Variants in STK10 observed in about 807,000 individuals in gnomAD.
The protein encoded by STK10 is serine/threonine-protein kinase 10.
STK10 carries 78 observed loss-of-function variants against 113.8 expected under a neutral mutation model. That is an observed-to-expected ratio of 0.69 (90% CI 0.57 to 0.83). The LOEUF (loss-of-function observed/expected upper bound fraction) is 0.83, where lower values mean the gene tolerates loss of function less well. STK10 is among the 40% of genes least tolerant of loss of function. The pLI is 0.00. For missense variants in STK10, 1,109 were observed against 1,280.1 expected (o/e 0.87, Z 2.04); for synonymous variants, 465 against 494.7 (o/e 0.94, Z 0.80).
intron 7 of STK10, among the ~76,000 whole-genome samples, chr5:172,101,977 C>A (rs1028486421): frequency 6.6e-6 from 1 of 150,830 alleles, no homozygotes; most frequent in Non-Finnish European, 1.5e-5. Flanking sequence ...GTGGGGGGGG[C>A]GGATCACACA....
chr5:172,108,867 C>T (rs969777244), intron 4 of STK10, among the ~76,000 whole-genome samples: 1 of 151,932 alleles, frequency 6.6e-6, no homozygotes, highest in African/African-American at 2.4e-5. Flanking sequence ...TCACTGTAAC[C>T]TCCACCTCCC....
intron 8 of STK10, among the ~76,000 whole-genome samples, chr5:172,094,428 T>C (rs753925748): frequency 5.3e-4 from 80 of 152,206 alleles, no homozygotes; most frequent in Admixed American, 9.8e-4. Context: ...AGTGGTGCCA[T>C]CTTGGCTCAA....
intron 2 of STK10, among the ~76,000 whole-genome samples, chr5:172,132,464 C>T (rs772869159): frequency 6.6e-6 from 1 of 151,850 alleles, no homozygotes; most frequent in African/African-American, 2.4e-5. Flanking sequence ...CGTGCCCACC[C>T]GTGATGAAGG....
intron 9 of STK10, among the ~76,000 whole-genome samples, chr5:172,091,906 G>A (rs1397659459): frequency 1.3e-5 from 2 of 152,180 alleles, no homozygotes; most frequent in East Asian, 1.9e-4. Flanking sequence ...GAGGAGTGAG[G>A]AGCCAGCGTG....
chr5:172,112,279 T>G (rs748951142), intron 4 of STK10, among the ~76,000 whole-genome samples: 9 of 152,322 alleles, frequency 5.9e-5, no homozygotes, highest in Non-Finnish European at 1.0e-4. Context: ...GAATAATATA[T>G]GCATCTTGTG....
rs371584258 is a variant in STK10 at position 172,105,708 on chromosome 5, A to G, written c.818T>C (p.Ile273Thr). ...GGTTTCTGGGTTCTTATCCAGGGCT[A>G]TCTTCAGGAAGTCACGGAACTCTAC... ...WSVEFRDFLK[I>T]ALDKNPETRP... Residue 273 changes from isoleucine to threonine, a missense_variant, in exon 7 of 19, where the codon ATA (isoleucine) becomes ACA (threonine). Physicochemically the swap from Ile to Thr is moderately conservative, Grantham distance 89 (BLOSUM62 -1). This residue lies in a region of STK10 where 885 missense variants were observed against 991.1 expected (regional missense o/e 0.89). Coordinates refer to ENST00000176763, the MANE Select transcript of STK10 (RefSeq NM_005990.4). 6 of 1,613,750 alleles carry G rather than the reference A, an allele frequency of 3.7e-6. No homozygotes were observed. The Admixed American group carries it at 6.7e-5, about 18-fold the overall frequency.
chr5:172,147,835 T>C (rs984405081), intron 2 of STK10, among the ~76,000 whole-genome samples: 1 of 152,164 alleles, frequency 6.6e-6, no homozygotes, highest in African/African-American at 2.4e-5. Flanking sequence ...AGACTCTGTT[T>C]CCTGGGGCCT....
intron 2 of STK10, among the ~76,000 whole-genome samples, chr5:172,142,660 T>C (rs1237467892): frequency 6.6e-6 from 1 of 152,212 alleles, no homozygotes; most frequent in Non-Finnish European, 1.5e-5. Flanking sequence ...TTAAGTAGGA[T>C]AATGTATGTC....
chr5:172,071,548 A>T (rs1195177081), intron 12 of STK10, among the ~76,000 whole-genome samples: 1 of 152,064 alleles, frequency 6.6e-6, no homozygotes, highest in Non-Finnish European at 1.5e-5. Context: ...TTGTAATAGT[A>T]AAAAACACAT....
intron 8 of STK10, among the ~76,000 whole-genome samples, chr5:172,095,178 G>A (rs772969912): frequency 1.3e-5 from 2 of 152,174 alleles, no homozygotes; most frequent in Non-Finnish European, 2.9e-5. Context: ...TTTGGGTCTT[G>A]CCAGCCACCG....
chr5:172,168,468 C>G (rs1214988432), intron 1 of STK10, among the ~76,000 whole-genome samples: 1 of 152,186 alleles, frequency 6.6e-6, no homozygotes, highest in African/African-American at 2.4e-5. Flanking sequence ...CCCACTAAGG[C>G]CCCTGGCTGG....
intron 2 of STK10, among the ~76,000 whole-genome samples, chr5:172,128,874 G>A (rs1365412827): frequency 6.6e-6 from 1 of 152,226 alleles, no homozygotes; most frequent in African/African-American, 2.4e-5. Context: ...CCAGCCAGAG[G>A]AGGGTGGAGC....
chr5:172,071,557 A>G (rs571203876), intron 12 of STK10, among the ~76,000 whole-genome samples: 150 of 152,194 alleles, frequency 9.9e-4, no homozygotes, highest in African/African-American at 3.5e-3. Flanking sequence ...TAAAAAACAC[A>G]TCCCTGGGTA....
intron 1 of STK10, among the ~76,000 whole-genome samples, chr5:172,161,156 A>G (rs2113822798): frequency 6.6e-6 from 1 of 152,266 alleles, no homozygotes; most frequent in African/African-American, 2.4e-5. Context: ...GGAAGGAAGC[A>G]ATACTAAGGG....
At chr5:172,160,671 G>C (rs547900671) in intron 1 of STK10, among the ~76,000 whole-genome samples, 160 of 152,246 alleles carry the variant, frequency 1.1e-3, no homozygotes, top group African/African-American at 3.7e-3. Flanking sequence ...GAACCTGACT[G>C]CACCGGAAAT....
rs576346631 is a variant in STK10, at chr5:172,082,983, T to A, written c.1787A>T (p.Lys596Ile). The A allele has an allele frequency of 2.5e-6, 4 of 1,613,870 alleles. No individual in the cohort carries two copies. The highest frequency in any genetic ancestry group is 2.5e-6 in the Non-Finnish European group (3 of 1,180,024). The change falls in exon 11 of 19, where the codon AAA becomes ATA. Residue 596 changes from lysine (K) to isoleucine (I), a missense_variant. Lys to Ile is a moderately radical substitution (Grantham distance 102). Coordinates refer to ENST00000176763, the MANE Select transcript of STK10 (RefSeq NM_005990.4). This position sits in a 1 kb window ranked among gnomAD's most constrained non-coding sequence, Gnocchi z 4.3. ...CACGTTGATTTCCTGTTCAAAACGT[T>A]TATGCATTTGCTCCAGCTGCAGCTC... is the stretch of plus-strand genomic sequence containing the variant. ...KHELQLEQMH[K>I]RFEQEINAKK...
intron 2 of STK10, among the ~76,000 whole-genome samples, chr5:172,153,185 C>G (rs1770273397): frequency 6.6e-6 from 1 of 152,026 alleles, no homozygotes; most frequent in Non-Finnish European, 1.5e-5. Context: ...ACTCAGGAGG[C>G]TGAGGCAAGA....
At chr5:172,099,509 T>G (rs1336815965) in intron 7 of STK10, among the ~76,000 whole-genome samples, 1 of 152,138 alleles carries the variant, frequency 6.6e-6, no homozygotes, top group Non-Finnish European at 1.5e-5. Context: ...CCAATGCACT[T>G]CAGCCTGGGT....
At chr5:172,135,516 A>G (rs1769835976) in intron 2 of STK10, among the ~76,000 whole-genome samples, 2 of 151,646 alleles carry the variant, frequency 1.3e-5, no homozygotes, top group Non-Finnish European at 2.9e-5. Flanking sequence ...CATCTCAAAA[A>G]ACAAAAGATA....
Sources: allele counts gnomAD v4.1 joint callset (sites outside exome capture counted in the v4.1 genomes callset), GRCh38; gene constraint gnomAD v4.1.1; regional missense constraint gnomAD v4.1.1; non-coding constraint Gnocchi (gnomAD v3.1); transcripts MANE v1.5; gene names NCBI Gene and HGNC (gene_info 2026-07-23, HGNC 2026-07-21).